Variants in PCDHGA1 observed in about 807,000 individuals in gnomAD.
The protein encoded by PCDHGA1 is protocadherin gamma subfamily A, 1, also known as protocadherin gamma-A1.
A neutral mutation model predicts 58.0 loss-of-function variants in PCDHGA1; 32 were observed. The observed-to-expected ratio is 0.55, with a 90% CI of 0.42 to 0.74. The LOEUF is 0.74. Ranked by LOEUF, PCDHGA1 falls within the 30% of genes least tolerant of loss-of-function variation. PCDHGA1 has a pLI of 0.00. For synonymous variants in PCDHGA1, 498 were observed against 501.1 expected (o/e 0.99, Z 0.08); for missense variants, 1,205 against 1,182.3 (o/e 1.02, Z -0.28).
At position 141,330,702 on chromosome 5, in the gene PCDHGA1, G is replaced by A; in HGVS notation, c.18G>A (p.Lys6=). 1 of 1,608,070 alleles carries A rather than the reference G, an allele frequency of 6.2e-7. No homozygotes were observed. Among genetic ancestry groups the A allele is most frequent in the Non-Finnish European group, 8.5e-7 (1 of 1,175,538 alleles). Residue 6 remains lysine (K), a synonymous_variant, in exon 1 of 4, where the codon AAG becomes AAA. Transcript: ENST00000517417. MKIQK[K]LTGCSRLMLL... ...AGAGAGCCATGAAGATTCAGAAAAA[G>A]CTGACTGGCTGCAGCAGGCTGATGC...
In PCDHGA1 at chr5:141,332,131, G is replaced by A; in HGVS notation, c.1447G>A (p.Glu483Lys). The A allele has an allele frequency of 1.9e-6, 3 of 1,614,142 alleles. No homozygotes were observed. Among genetic ancestry groups the A allele is most frequent in the Non-Finnish European group, 2.5e-6 (3 of 1,180,032 alleles). The part of the protein sequence containing the change: ...SVRAHDLDSN[E>K]NAQITYSLIE... Reference sequence around the variant, plus strand: ...GAGGGCCCACGACTTGGACAGCAATGAGAATGCACAAATCACTTACTCCCT... The same window carrying A: ...GAGGGCCCACGACTTGGACAGCAATAAGAATGCACAAATCACTTACTCCCT... Residue 483 changes from glutamate (E) to lysine (K), a missense_variant, in exon 1 of 4, where the codon GAG (glutamate) becomes AAG (lysine). By Grantham distance (56) the Glu-to-Lys change is moderately conservative (BLOSUM62 1). Transcript: ENST00000517417. The surrounding 1 kb of genome is among the most constrained non-coding windows in gnomAD (Gnocchi z 4.6).
intron 1 of PCDHGA1, chr5:141,350,891 G>A (rs780126107): frequency 1.2e-6 from 2 of 1,614,036 alleles, no homozygotes; most frequent in Non-Finnish European, 1.7e-6. Context: ...AATCCTGACT[G>A]CCATGGATGG....
intron 1 of PCDHGA1, chr5:141,393,590 G>A: frequency 1.2e-6 from 2 of 1,613,896 alleles, no homozygotes; most frequent in South Asian, 2.2e-5. Flanking sequence ...CCCCAGGCAC[G>A]CGGCTGCTTA....
chr5:141,487,783 G>T lies in PCDHGA1; in HGVS notation c.2422-7024G>T. The T allele has an allele frequency of 6.6e-7, 1 of 1,522,846 alleles. No homozygotes were observed. The allele number at this position is 1,522,846 out of a possible 1,614,324, so 94.3% of individuals were successfully genotyped here. ...ACGCTGTGCTTTGTAACTGTTTCGT[G>T]AATTAACCAGAGTTGTCACAGTTTA... is the stretch of plus-strand genomic sequence containing the variant. On this transcript the variant is annotated intron_variant, in intron 1 of 3. Transcript: ENST00000517417. The surrounding 1 kb of genome is among the most constrained non-coding windows in gnomAD (Gnocchi z 5.0).
At chr5:141,459,686 C>T (rs79275885) in intron 1 of PCDHGA1, among the ~76,000 whole-genome samples, 5,534 of 152,296 alleles carry the variant, frequency 0.036, 130 homozygotes, top group South Asian at 0.077. Flanking sequence ...ATGCATAAAG[C>T]GTTCCGCTTG....
At chr5:141,408,791 G>C (rs1260366830) in intron 1 of PCDHGA1, 1 of 1,612,540 alleles carries the variant, frequency 6.2e-7, no homozygotes, top group East Asian at 2.2e-5. Context: ...GTTATCTCTG[G>C]AGAAACTCCT....
chr5:141,370,915 C>T, intron 1 of PCDHGA1: 1 of 1,614,006 alleles, frequency 6.2e-7, no homozygotes, highest in Non-Finnish European at 8.5e-7. Context: ...TACCTCAGCC[C>T]TGATCCGCAC....
intron 1 of PCDHGA1, chr5:141,374,822 T>C: frequency 6.2e-7 from 1 of 1,613,984 alleles, no homozygotes; most frequent in Non-Finnish European, 8.5e-7. Context: ...TCAGCCTGTC[T>C]ACCGTGTAAG....
At chr5:141,422,791 G>T (rs2096673253) in intron 1 of PCDHGA1, 2 of 1,614,020 alleles carry the variant, frequency 1.2e-6, no homozygotes, top group South Asian at 1.1e-5. Context: ...ACAATCCTTC[G>T]ACTATGAGCA....
chr5:141,389,780 C>T (rs746524585), intron 1 of PCDHGA1: 1 of 1,613,310 alleles, frequency 6.2e-7, no homozygotes, highest in South Asian at 1.1e-5. Flanking sequence ...CCTTAGGCGA[C>T]AGGGACGCCG....
chr5:141,399,522 C>T, intron 1 of PCDHGA1: 6 of 1,614,056 alleles, frequency 3.7e-6, no homozygotes, highest in Non-Finnish European at 5.1e-6. Flanking sequence ...CTCCTGGGGC[C>T]TCCATCGCGC....
chr5:141,365,643 T>A (rs1319252902), intron 1 of PCDHGA1: 10 of 1,613,296 alleles, frequency 6.2e-6, no homozygotes, highest in Non-Finnish European at 8.5e-6. Flanking sequence ...GAAAGCCACA[T>A]CCCCTTGAAA....
At chr5:141,346,217 G>C (rs1279529882) in intron 1 of PCDHGA1, 5 of 1,614,184 alleles carry the variant, frequency 3.1e-6, no homozygotes, top group Admixed American at 1.7e-5. Flanking sequence ...TGCAGGCTTC[G>C]GGAGGCGGCT....
intron 1 of PCDHGA1, chr5:141,357,417 C>G: frequency 1.2e-6 from 2 of 1,614,254 alleles, no homozygotes; most frequent in Non-Finnish European, 1.7e-6. Flanking sequence ...CTGCCTCGCA[C>G]TTTGTGGGCG....
Position 141,489,089 on chromosome 5 carries a change from A to T in PCDHGA1, c.2422-5718A>T, listed in dbSNP as rs1214993065. The T allele has an allele frequency of 7.4e-5, 21 of 284,398 alleles. No homozygotes were observed. Among genetic ancestry groups the T allele is most frequent in the East Asian group, 1.1e-4 (2 of 17,560 alleles). The allele number at this position is 284,398 out of a possible 1,614,324, so 17.6% of individuals were successfully genotyped here. On this transcript the variant is annotated intron_variant, in intron 1 of 3. Coordinates refer to ENST00000517417, the MANE Select transcript of PCDHGA1 (RefSeq NM_018912.3). This position sits in a 1 kb window ranked among gnomAD's most constrained non-coding sequence, Gnocchi z 4.5. ...CCCTGCCCACCCCCGCCACTCGGTGACTAAGAACTGCTGCAAGCAGGCAAA... is the reference window on the plus strand; with the variant it reads ...CCCTGCCCACCCCCGCCACTCGGTGTCTAAGAACTGCTGCAAGCAGGCAAA...
In PCDHGA1 at chr5:141,332,361, G is replaced by C; in HGVS notation, c.1677G>C (p.Ala559=). The C allele has an allele frequency of 6.2e-7, 1 of 1,614,146 alleles. No individual in the cohort carries two copies. Among genetic ancestry groups the C allele is most frequent in the Non-Finnish European group, 8.5e-7 (1 of 1,180,038 alleles). Residue 559 remains alanine, a synonymous_variant, in exon 1 of 4, where the codon GCG becomes GCC. Transcript: ENST00000517417. The surrounding 1 kb of genome is among the most constrained non-coding windows in gnomAD (Gnocchi z 4.6). ...SLFLLDQNDN[A]PEILYPALPT... ...TCCTGCTGGACCAGAACGACAACGC[G>C]CCCGAGATCCTGTACCCCGCCCTCC...
intron 1 of PCDHGA1, chr5:141,377,572 G>A (rs1046181930): frequency 4.6e-5 from 7 of 151,346 alleles, no homozygotes; most frequent in Admixed American, 1.3e-4. Context: ...CCCTAGCCTG[G>A]GAGACAGAAT....
In PCDHGA1 at chr5:141,432,076, G is replaced by A. The variant is rs1442341840; in HGVS notation, c.2422-62731G>A. The A allele has an allele frequency of 1.2e-6, 2 of 1,614,160 alleles. No homozygotes were observed. Among genetic ancestry groups the A allele is most frequent in the East Asian group, 2.2e-5 (1 of 44,872 alleles). On this transcript the variant is annotated intron_variant, in intron 1 of 3. Coordinates refer to ENST00000517417, the MANE Select transcript of PCDHGA1 (RefSeq NM_018912.3). This position sits in a 1 kb window ranked among gnomAD's most constrained non-coding sequence, Gnocchi z 6.0. ...CCCTATCCACGGAAACTCATATCTCGCTGAACGTGGCAGACACCAACGACA... is the reference window on the plus strand; with the variant it reads ...CCCTATCCACGGAAACTCATATCTCACTGAACGTGGCAGACACCAACGACA...
intron 1 of PCDHGA1, chr5:141,357,255 C>T (rs1760523237): frequency 3.1e-6 from 5 of 1,613,736 alleles, no homozygotes; most frequent in Non-Finnish European, 4.2e-6. Flanking sequence ...CAGACCCAGA[C>T]GACTCGGGCC....
Sources: gnomAD v4.1 joint callset for allele counts (sites outside exome capture counted in the v4.1 genomes callset) on GRCh38, gnomAD v4.1.1 for gene constraint, Gnocchi (gnomAD v3.1) non-coding constraint, MANE v1.5 for transcripts, NCBI Gene and HGNC (gene_info 2026-07-23, HGNC 2026-07-21) for gene names.